KLHL1: variants seen among roughly 807,000 people sequenced by gnomAD.
KLHL1 encodes the protein kelch like family member 1.
KLHL1 carries 47 observed loss-of-function variants against 77.7 expected under a neutral mutation model. The observed-to-expected ratio is 0.60, with a 90% CI of 0.48 to 0.77. KLHL1 has a LOEUF of 0.77. Among genes scored for constraint, KLHL1 ranks in the 30% least tolerant of loss-of-function variants. The probability of loss-of-function intolerance (pLI) is 0.00; values close to 1 mark genes in which losing one functional copy is unlikely to be tolerated. For synonymous variants in KLHL1, 360 were observed against 325.2 expected (o/e 1.11, Z -1.15); for missense variants, 925 against 910.8 (o/e 1.02, Z -0.20).
intron 8 of KLHL1, among the ~76,000 whole-genome samples, chr13:69,734,626 T>C (rs1282729962): frequency 6.6e-6 from 1 of 152,040 alleles, no homozygotes; most frequent in Non-Finnish European, 1.5e-5. Flanking sequence ...GCAAATGCTA[T>C]GACAAGATGA....
intron 6 of KLHL1, among the ~76,000 whole-genome samples, chr13:69,809,633 A>G (rs561197900): frequency 6.6e-6 from 1 of 152,292 alleles, no homozygotes; most frequent in Non-Finnish European, 1.5e-5. Context: ...TAAAGCAACT[A>G]CACAACTGAG....
intron 5 of KLHL1, among the ~76,000 whole-genome samples, chr13:69,855,381 TAGATAG>T (rs201508057): frequency 0.013 from 1,816 of 141,240 alleles, 60 homozygotes; most frequent in African/African-American, 0.05. Context: ...GATAGATCTA[TAGATAG>T]AGATAGAGAT....
chr13:69,736,112 G>T lies in KLHL1; in HGVS notation c.1802+4282C>A, dbSNP rs527895627. ...AGAATAAACAGACAACGCACAGAGC[G>T]GAAGAAAATATTCCCAATCCATACC... On this transcript the variant is annotated intron_variant, in intron 8 of 10. Coordinates refer to ENST00000377844, the MANE Select transcript of KLHL1 (RefSeq NM_020866.3). Among the ~76,000 whole-genome samples the T allele has an allele frequency of 1.4e-4, 22 of 152,162 alleles. 1 individual carries two copies. The highest frequency in any genetic ancestry group is 3.4e-3 in the Middle Eastern group (1 of 294).
At chr13:69,879,870 G>A (rs902460841) in intron 5 of KLHL1, among the ~76,000 whole-genome samples, 35 of 151,944 alleles carry the variant, frequency 2.3e-4, no homozygotes, top group African/African-American at 8.5e-4. Flanking sequence ...TTGTCAAATG[G>A]GAATAACAGT....
chr13:69,857,699 T>G (rs1879976105), intron 5 of KLHL1, among the ~76,000 whole-genome samples: 1 of 151,982 alleles, frequency 6.6e-6, no homozygotes, highest in African/African-American at 2.4e-5. Context: ...AGGGTTAAAT[T>G]TAAGGTAAAT....
Position 70,108,242 on chromosome 13 carries a change from C to T in KLHL1, c.-543G>A. ...CGAGGAAGCGTACCCCTCGCCAGAT[C>T]TCTTGGTGCACCTGCGCCCCTGTCC... On this transcript the variant is annotated 5_prime_UTR_variant, in exon 1 of 11. Coordinates refer to ENST00000377844, the MANE Select transcript of KLHL1 (RefSeq NM_020866.3). The T allele has an allele frequency of 3.9e-5, 15 of 388,950 alleles. No homozygotes were observed. Among genetic ancestry groups the T allele is most frequent in the Non-Finnish European group, 4.5e-5 (10 of 220,664 alleles). 24.1% of individuals were successfully genotyped at this position (388,950 alleles called of 1,614,324 possible). A position where few individuals can be genotyped will look rare whatever the true frequency, so the allele number is the denominator to read the frequency against.
At chr13:69,887,708 C>A (rs1429508323) in intron 4 of KLHL1, among the ~76,000 whole-genome samples, 1 of 152,152 alleles carries the variant, frequency 6.6e-6, no homozygotes, top group African/African-American at 2.4e-5. Flanking sequence ...AGTCTGAGAC[C>A]TCATCAGGAT....
rs1190753359 is a variant in KLHL1, at chr13:69,855,897, T to C, written c.1228-16735A>G. Among the ~76,000 whole-genome samples the C allele has an allele frequency of 9.9e-5, 14 of 141,596 alleles. No individual in the cohort carries two copies. The Admixed American group carries it at 1.0e-3, about 10-fold the overall frequency. The allele number at this position is 141,596 out of a possible 152,430, so 92.9% of individuals were successfully genotyped here. A position where few individuals can be genotyped will look rare whatever the true frequency, so the allele number is the denominator to read the frequency against. On this transcript the variant is annotated intron_variant, in intron 5 of 10. Coordinates refer to ENST00000377844, the MANE Select transcript of KLHL1 (RefSeq NM_020866.3). ...TTATATATGTTATATAATATACATG[T>C]TTTATATATATTATATGTTATAACA...
In KLHL1 at chr13:70,075,590, C is replaced by CATATATAT. The variant is rs1566554764; in HGVS notation, c.497+31612_497+31613insATATATAT. Among the ~76,000 whole-genome samples the CATATATAT allele has an allele frequency of 3.7e-5, 3 of 81,136 alleles. No individual in the cohort carries two copies. In the South Asian group the frequency reaches 1.0e-3, roughly 27 times the overall value. The allele number at this position is 81,136 out of a possible 152,430, so 53.2% of individuals were successfully genotyped here. On this transcript the variant is annotated intron_variant, in intron 1 of 10. Coordinates refer to ENST00000377844, the MANE Select transcript of KLHL1 (RefSeq NM_020866.3). ...ATGTGTATATATATATATATATATACACACACACACATATATATAGGACTT... is the reference window on the plus strand; with the variant it reads ...ATGTGTATATATATATATATATATACATATATATACACACACACATATATATAGGACTT...
At chr13:69,810,582 T>C (rs1373028413) in intron 6 of KLHL1, among the ~76,000 whole-genome samples, 4 of 151,822 alleles carry the variant, frequency 2.6e-5, no homozygotes, top group Admixed American at 2.0e-4. Flanking sequence ...ATCGAGAAGA[T>C]AGAAATATCT....
At chr13:70,085,579 ATGGGC>A (rs1887515948) in intron 1 of KLHL1, among the ~76,000 whole-genome samples, 3 of 152,118 alleles carry the variant, frequency 2.0e-5, no homozygotes, top group Admixed American at 2.0e-4. Flanking sequence ...CAAACACTGA[ATGGGC>A]TGGGCGCAGT....
Position 69,701,733 on chromosome 13 carries a change from C to T in KLHL1, c.2216G>A (p.Gly739Asp). ...QMASLNIGRA[G>D]ACVVVIKQP ...TTGCTTGATGACTACCACACAGGCACCTGCTCTCCCAATATTCAAGGAAGC... is the reference window on the plus strand; with the variant it reads ...TTGCTTGATGACTACCACACAGGCATCTGCTCTCCCAATATTCAAGGAAGC... Residue 739 changes from glycine (G) to aspartate (D), a missense_variant, in exon 11 of 11, where the codon GGT becomes GAT. Gly to Asp is a moderately conservative substitution (Grantham distance 94). Transcript: ENST00000377844. 6.2e-7 allele frequency: 1 copy of T among 1,607,630 alleles called. No homozygotes were observed. Among genetic ancestry groups the T allele is most frequent in the Non-Finnish European group, 8.5e-7 (1 of 1,176,440 alleles).
intron 5 of KLHL1, among the ~76,000 whole-genome samples, chr13:69,844,445 T>C (rs949810794): frequency 6.6e-6 from 1 of 151,728 alleles, no homozygotes; most frequent in African/African-American, 2.4e-5. Context: ...TTGTATATTT[T>C]TAAATTATTA....
intron 1 of KLHL1, among the ~76,000 whole-genome samples, chr13:70,053,371 T>C (rs1474425383): frequency 1.3e-5 from 2 of 152,024 alleles, no homozygotes; most frequent in Non-Finnish European, 2.9e-5. Flanking sequence ...GAATTTATTC[T>C]TAGGAATATA....
At position 69,736,250 on chromosome 13, in the gene KLHL1, A is replaced by C. The variant is rs549947531; in HGVS notation, c.1802+4144T>G. 2.0e-5 allele frequency among the ~76,000 whole-genome samples: 3 copies of C among 152,352 alleles called. No individual in the cohort carries two copies. The East Asian group carries it at 5.8e-4, about 29-fold the overall frequency. The stretch of plus-strand genomic sequence containing the variant: ...AAGGACATGAATAGACAATTCTCAA[A>C]AGAACATATACAAATGAGGAACAAA... On this transcript the variant is annotated intron_variant, in intron 8 of 10. Coordinates refer to ENST00000377844, the MANE Select transcript of KLHL1 (RefSeq NM_020866.3).
chr13:70,107,649 G>C lies in KLHL1; in HGVS notation c.51C>G (p.Leu17=), dbSNP rs145049894. 1.4e-5 allele frequency: 22 copies of C among 1,551,342 alleles called. No homozygotes were observed. The highest frequency in any genetic ancestry group is 6.1e-5 in the Admixed American group (3 of 49,542). ...ACGGGTGGCTGAAGAGTTTCCAGCG[G>C]AGTCGCAGAATGTGCTTCACATCGA... ...KDFDVKHILR[L]RWKLFSHPSP... The change falls in exon 1 of 11, where the codon CTC becomes CTG. Residue 17 remains leucine, a synonymous_variant. Transcript: ENST00000377844.
At chr13:69,733,834 G>A (rs1290629898) in intron 8 of KLHL1, among the ~76,000 whole-genome samples, 1 of 152,104 alleles carries the variant, frequency 6.6e-6, no homozygotes, top group Non-Finnish European at 1.5e-5. Context: ...AGTAATTTAA[G>A]TTCTAGGTCT....
chr13:69,969,160 C>A (rs1222441109), intron 2 of KLHL1, among the ~76,000 whole-genome samples: 1 of 152,024 alleles, frequency 6.6e-6, no homozygotes, highest in Non-Finnish European at 1.5e-5. Flanking sequence ...ACACAAAATA[C>A]ATTCTTTTAA....
At chr13:69,870,488 A>G (rs760645401) in intron 5 of KLHL1, among the ~76,000 whole-genome samples, 8 of 151,982 alleles carry the variant, frequency 5.3e-5, no homozygotes, top group Non-Finnish European at 1.0e-4. Flanking sequence ...CTTCTTGTCC[A>G]TCAAATCTTG....
Sources: allele counts gnomAD v4.1 joint callset (sites outside exome capture counted in the v4.1 genomes callset), GRCh38; gene constraint gnomAD v4.1.1; transcripts MANE v1.5; gene names NCBI Gene and HGNC (gene_info 2026-07-23, HGNC 2026-07-21).